DOCK10: variants seen among roughly 807,000 people sequenced by gnomAD.
DOCK10 encodes the protein dedicator of cytokinesis protein 10.
In DOCK10, 145 loss-of-function variants were observed where a neutral mutation model predicts 280.1. The observed-to-expected ratio is 0.52, with a 90% CI of 0.45 to 0.59. The LOEUF (loss-of-function observed/expected upper bound fraction) is 0.59, where lower values mean the gene tolerates loss of function less well. Among genes scored for constraint, DOCK10 ranks in the 20% least tolerant of loss-of-function variants. The pLI is 0.00. For missense variants in DOCK10, 2,368 were observed against 2,651.7 expected (o/e 0.89, Z 2.35); for synonymous variants, 915 against 942.2 (o/e 0.97, Z 0.53).
intron 19 of DOCK10, 40 bp from the exon 20 acceptor site, chr2:224,845,682 C>T: frequency 6.3e-7 from 1 of 1,577,564 alleles, no homozygotes; most frequent in Non-Finnish European, 8.6e-7. Flanking sequence ...AGATTAAAAT[C>T]ATTTGCTCAA....
At chr2:224,851,239 T>C (rs1444625643) in intron 18 of DOCK10, among the ~76,000 whole-genome samples, 1 of 152,196 alleles carries the variant, frequency 6.6e-6, no homozygotes, top group Non-Finnish European at 1.5e-5. Flanking sequence ...TATTTTAGAA[T>C]GCAGTGAAGC....
intron 30 of DOCK10, 67 bp downstream of exon 30, chr2:224,816,550 A>G (rs1012555245): frequency 2.0e-5 from 19 of 956,864 alleles, no homozygotes; most frequent in Non-Finnish European, 8.1e-6. Context: ...AATAAACAAA[A>G]GGTAAAACGA....
At chr2:224,963,234 C>T (rs1704549454) in intron 1 of DOCK10, among the ~76,000 whole-genome samples, 1 of 152,162 alleles carries the variant, frequency 6.6e-6, no homozygotes. Context: ...CGTTTAAGAC[C>T]ATGTCTTTTG....
At chr2:224,993,573 C>A (rs1313601172) in intron 1 of DOCK10, among the ~76,000 whole-genome samples, 1 of 152,174 alleles carries the variant, frequency 6.6e-6, no homozygotes, top group Admixed American at 6.5e-5. Flanking sequence ...TCACTGGGCT[C>A]CCAGCATTTC....
chr2:224,980,731 G>A (rs766829921), intron 1 of DOCK10, among the ~76,000 whole-genome samples: 1 of 152,096 alleles, frequency 6.6e-6, no homozygotes. Flanking sequence ...CTGGCTTTTG[G>A]AATCATTGCT....
intron 7 of DOCK10, among the ~76,000 whole-genome samples, chr2:224,880,245 T>C (rs1006289877): frequency 1.1e-4 from 16 of 152,196 alleles, no homozygotes; most frequent in Non-Finnish European, 1.8e-4. Context: ...AAAATAAATA[T>C]TCGATTTGAA....
intron 1 of DOCK10, among the ~76,000 whole-genome samples, chr2:224,994,961 G>T (rs1706229700): frequency 6.6e-6 from 1 of 152,164 alleles, no homozygotes; most frequent in African/African-American, 2.4e-5. Flanking sequence ...TCCTGAGGTT[G>T]CACACAAGAT....
chr2:224,929,292 G>A (rs1305329962), intron 2 of DOCK10, among the ~76,000 whole-genome samples: 1 of 152,182 alleles, frequency 6.6e-6, no homozygotes, highest in Non-Finnish European at 1.5e-5. Context: ...GGTGATTTCT[G>A]TCTAATCACT....
At chr2:224,933,051 C>T (rs1363197050) in intron 1 of DOCK10, among the ~76,000 whole-genome samples, 1 of 152,010 alleles carries the variant, frequency 6.6e-6, no homozygotes, top group African/African-American at 2.4e-5. Flanking sequence ...TCTAGAAGGT[C>T]CTTCCAGAAA....
rs532388309 is a variant in DOCK10 at position 224,840,648 on chromosome 2, T to C, written c.2662-576A>G. 9.2e-5 allele frequency among the ~76,000 whole-genome samples: 14 copies of C among 152,280 alleles called. No individual in the cohort carries two copies. The East Asian group carries it at 2.7e-3, about 29-fold the overall frequency. On this transcript the variant is annotated intron_variant, in intron 23 of 55. Transcript: ENST00000258390. ...GAGGGTGTGGAGGAGAAGGAACACT[T>C]GCACATTGCTGGTAAGAATGTAAAT...
chr2:224,836,438 C>T (rs952322491), intron 25 of DOCK10, among the ~76,000 whole-genome samples: 3 of 152,150 alleles, frequency 2.0e-5, no homozygotes, highest in African/African-American at 7.2e-5. Context: ...AAAAAGGGCA[C>T]ATACTCATGC....
intron 28 of DOCK10, among the ~76,000 whole-genome samples, chr2:224,822,943 C>A (rs1482685587): frequency 6.6e-6 from 1 of 151,350 alleles, no homozygotes; most frequent in Non-Finnish European, 1.5e-5. Context: ...GATTTGACTG[C>A]ACTCAAATGG....
intron 1 of DOCK10, among the ~76,000 whole-genome samples, chr2:225,012,364 G>C (rs748624109): frequency 4.6e-5 from 7 of 152,204 alleles, no homozygotes; most frequent in Admixed American, 2.0e-4. Context: ...AGCATTTGCA[G>C]GCATGCATGT....
intron 1 of DOCK10, among the ~76,000 whole-genome samples, chr2:224,947,509 G>A (rs1266741434): frequency 3.3e-5 from 5 of 152,162 alleles, no homozygotes; most frequent in Non-Finnish European, 5.9e-5. Flanking sequence ...GAAGATATTA[G>A]AATTTTTTGT....
intron 2 of DOCK10, among the ~76,000 whole-genome samples, chr2:224,922,759 A>G (rs1012328604): frequency 1.1e-4 from 17 of 152,308 alleles, no homozygotes; most frequent in African/African-American, 3.1e-4. Flanking sequence ...AAAGTCTAAA[A>G]AAGGGCTGCT....
At chr2:224,855,156 T>C (rs1697038556) in intron 15 of DOCK10, 114 bp from the exon 16 acceptor site, 2 of 610,852 alleles carry the variant, frequency 3.3e-6, no homozygotes, top group Non-Finnish European at 5.1e-6. Flanking sequence ...CTGAGCTTTG[T>C]TAAGGGTAAA....
At chr2:224,944,470 C>T (rs1234669635) in intron 1 of DOCK10, among the ~76,000 whole-genome samples, 1 of 152,210 alleles carries the variant, frequency 6.6e-6, no homozygotes, top group Non-Finnish European at 1.5e-5. Context: ...CACAACACAA[C>T]ACTTGTAACT....
intron 1 of DOCK10, among the ~76,000 whole-genome samples, chr2:225,027,916 T>C (rs925658287): frequency 6.6e-6 from 1 of 152,130 alleles, no homozygotes; most frequent in Non-Finnish European, 1.5e-5. Flanking sequence ...AAGCAGAGGG[T>C]TAGATTTAAG....
intron 1 of DOCK10, among the ~76,000 whole-genome samples, chr2:225,000,591 G>A (rs1029398963): frequency 3.9e-5 from 6 of 152,142 alleles, no homozygotes; most frequent in Admixed American, 1.3e-4. Flanking sequence ...ACAGTAGGGC[G>A]GGAAAAAGGG....
Sources: allele counts gnomAD v4.1 joint callset (sites outside exome capture counted in the v4.1 genomes callset), GRCh38; gene constraint gnomAD v4.1.1; transcripts MANE v1.5; gene names NCBI Gene and HGNC (gene_info 2026-07-23, HGNC 2026-07-21).